Variants in ARHGEF33 observed in about 807,000 individuals in gnomAD.
The protein encoded by ARHGEF33 is Rho guanine nucleotide exchange factor 33, also known as DH and coiled-coil domain-containing protein ENSP00000381780.
In ARHGEF33, 72 loss-of-function variants were observed where a neutral mutation model predicts 101.9. That is an observed-to-expected ratio of 0.71 (90% CI 0.58 to 0.86). The LOEUF is 0.86. Among genes scored for constraint, ARHGEF33 ranks in the 40% least tolerant of loss-of-function variants. The pLI, the probability that ARHGEF33 is intolerant of heterozygous loss-of-function variation, is 0.00. For synonymous variants in ARHGEF33, 499 were observed against 442.5 expected (o/e 1.13, Z -1.60); for missense variants, 1,169 against 1,111.3 (o/e 1.05, Z -0.74).
At chr2:38,921,812 GCC>G (rs1666764167) in intron 4 of ARHGEF33, among the ~76,000 whole-genome samples, 1 of 152,154 alleles carries the variant, frequency 6.6e-6, no homozygotes. Flanking sequence ...CTTGCCTGCT[GCC>G]CCCATCGCCA....
At chr2:38,896,933 T>G (rs1338169254) in intron 2 of ARHGEF33, among the ~76,000 whole-genome samples, 1 of 152,190 alleles carries the variant, frequency 6.6e-6, no homozygotes, top group Non-Finnish European at 1.5e-5. Context: ...TTTCTTTTTT[T>G]GAGACTGAGT....
Position 38,960,358 on chromosome 2 carries a change from GGCA to G in ARHGEF33, c.2062_2064del (p.Ser688del). The stretch of plus-strand genomic sequence containing the variant: ...GCCCAAGAGCGCTACGTCGCCGGCG[GGCA>G]GCAGCAGCGCCTACAAACTGGAGGC... On this transcript the variant is annotated inframe_deletion, in exon 16 of 18. Coordinates refer to ENST00000409978, the MANE Select transcript of ARHGEF33 (RefSeq NM_001145451.5). The G allele has an allele frequency of 6.5e-7, 1 of 1,529,896 alleles. No homozygotes were observed. The highest frequency in any genetic ancestry group is 8.8e-7 in the Non-Finnish European group (1 of 1,142,416). The allele number at this position is 1,529,896 out of a possible 1,614,324, so 94.8% of individuals were successfully genotyped here.
At chr2:38,940,274 T>C (rs1212697258) in intron 9 of ARHGEF33, among the ~76,000 whole-genome samples, 1 of 152,150 alleles carries the variant, frequency 6.6e-6, no homozygotes, top group Non-Finnish European at 1.5e-5. Context: ...CATCAATGTT[T>C]TTAGTTTTTA....
chr2:38,899,357 T>A lies in ARHGEF33; in HGVS notation c.-86+3508T>A, dbSNP rs143038967. Among the ~76,000 whole-genome samples, 5 of 152,236 alleles carry A rather than the reference T, an allele frequency of 3.3e-5. No homozygotes were observed. The East Asian group carries it at 9.7e-4, about 29-fold the overall frequency. ...AAAATTGCTAGTATAAAGAGTAAAA[T>A]TGCTACTATAAGGAGATATGCCATG... On this transcript the variant is annotated intron_variant, in intron 2 of 17. Coordinates refer to ENST00000409978, the MANE Select transcript of ARHGEF33 (RefSeq NM_001145451.5).
chr2:38,973,919 T>C lies in ARHGEF33; in HGVS notation c.*76T>C. 1.1e-6 allele frequency: 1 copy of C among 938,650 alleles called. No individual in the cohort carries two copies. Among genetic ancestry groups the C allele is most frequent in the Non-Finnish European group, 1.4e-6 (1 of 722,452 alleles). 58.1% of individuals were successfully genotyped at this position (938,650 alleles called of 1,614,324 possible). A position where few individuals can be genotyped will look rare whatever the true frequency, so the allele number is the denominator to read the frequency against. The stretch of plus-strand genomic sequence containing the variant: ...GTATATATCTGTGTAGGAATATATA[T>C]ATATATCTATATCTATATATATATA... On this transcript the variant is annotated 3_prime_UTR_variant, in exon 18 of 18. Coordinates refer to ENST00000409978, the MANE Select transcript of ARHGEF33 (RefSeq NM_001145451.5).
chr2:38,960,377 A>T lies in ARHGEF33; in HGVS notation c.2072A>T (p.Lys691Ile). The T allele has an allele frequency of 6.6e-7, 1 of 1,521,014 alleles. No individual in the cohort carries two copies. The highest frequency in any genetic ancestry group is 8.8e-7 in the Non-Finnish European group (1 of 1,139,350). 94.2% of individuals were successfully genotyped at this position (1,521,014 alleles called of 1,614,324 possible). ...CCGGCGGGCAGCAGCAGCGCCTACA[A>T]ACTGGAGGCGGCGGCGCAGGCGCAC... ...TSPAGSSSAY[K>I]LEAAAQAHGK... Residue 691 changes from lysine to isoleucine, a missense_variant, in exon 16 of 18, where the codon AAA becomes ATA. By Grantham distance (102) the Lys-to-Ile change is moderately radical. Transcript: ENST00000409978.
At chr2:38,954,633 C>CT (rs10706405) in intron 13 of ARHGEF33, among the ~76,000 whole-genome samples, 177 bp downstream of exon 13, 163 of 101,108 alleles carry the variant, frequency 1.6e-3, no homozygotes, top group East Asian at 4.7e-3. Flanking sequence ...GAGCTAAAAC[C>CT]TTTTTTTTTT....
At chr2:38,916,130 T>G (rs896139508) in intron 2 of ARHGEF33, among the ~76,000 whole-genome samples, 21 of 152,200 alleles carry the variant, frequency 1.4e-4, no homozygotes, top group African/African-American at 5.1e-4. Flanking sequence ...ATGTGTAAGT[T>G]TTCATTTTAC....
intron 7 of ARHGEF33, among the ~76,000 whole-genome samples, chr2:38,933,446 C>A (rs1018810166): frequency 2.6e-5 from 4 of 151,972 alleles, no homozygotes; most frequent in African/African-American, 9.7e-5. Context: ...TACAATGGCG[C>A]GATCTCGGCT....
chr2:38,943,859 A>G, intron 9 of ARHGEF33, 42 bp from the exon 10 acceptor site: 3 of 1,534,988 alleles, frequency 2.0e-6, no homozygotes, highest in Non-Finnish European at 2.6e-6. Context: ...GATTTTAGGA[A>G]GAAATGGTTA....
intron 11 of ARHGEF33, among the ~76,000 whole-genome samples, chr2:38,951,609 T>TA (rs944989000): frequency 2.7e-5 from 4 of 149,740 alleles, no homozygotes; most frequent in Admixed American, 1.3e-4. Context: ...TTTATTAAAT[T>TA]AAAAAAAAAG....
chr2:38,912,768 A>T (rs989936905), intron 2 of ARHGEF33, among the ~76,000 whole-genome samples: 3 of 152,192 alleles, frequency 2.0e-5, no homozygotes, highest in Non-Finnish European at 4.4e-5. Context: ...AATCATATGG[A>T]CCTGCCCGAA....
Position 38,935,900 on chromosome 2 carries a change from C to T in ARHGEF33, c.565+66C>T, listed in dbSNP as rs562066276. ...TCCATTATTTTCCACTTCTATCTTC[C>T]CTGCTTCCACTTCCTTAGTTTCAAA... is the stretch of plus-strand genomic sequence containing the variant. On this transcript the variant is annotated intron_variant, in intron 8 of 17. Coordinates refer to ENST00000409978, the MANE Select transcript of ARHGEF33 (RefSeq NM_001145451.5). 9.5e-6 allele frequency: 12 copies of T among 1,267,500 alleles called. No homozygotes were observed. In the African/African-American group the frequency reaches 1.6e-4, roughly 17 times the overall value. 78.5% of individuals were successfully genotyped at this position (1,267,500 alleles called of 1,614,324 possible). A position where few individuals can be genotyped will look rare whatever the true frequency, so the allele number is the denominator to read the frequency against.
chr2:38,931,083 G>T (rs1302181028), intron 6 of ARHGEF33, 26 bp from the exon 7 acceptor site: 2 of 1,532,844 alleles, frequency 1.3e-6, no homozygotes, highest in Non-Finnish European at 1.8e-6. Flanking sequence ...AACCAGAATA[G>T]CCTTGTCTTT....
rs748155962 is a variant in ARHGEF33 at position 38,960,585 on chromosome 2, C to T, written c.2280C>T (p.Ser760=). ...AAAAVAARGA[S]RTFFPQQRSQ... is the part of the protein sequence containing the mutation. ...CCGCCGTCGCCGCCCGCGGCGCATC[C>T]AGGACCTTCTTCCCCCAACAGAGGT... Residue 760 remains serine (S), a synonymous_variant, in exon 16 of 18, where the codon TCC becomes TCT. Transcript: ENST00000409978. 7.2e-7 allele frequency: 1 copy of T among 1,383,068 alleles called. No individual in the cohort carries two copies. The highest frequency in any genetic ancestry group is 1.4e-5 in the South Asian group (1 of 73,990). 85.7% of individuals were successfully genotyped at this position (1,383,068 alleles called of 1,614,324 possible).
chr2:38,901,632 G>T (rs1424124203), intron 2 of ARHGEF33, among the ~76,000 whole-genome samples: 1 of 152,196 alleles, frequency 6.6e-6, no homozygotes, highest in Non-Finnish European at 1.5e-5. Flanking sequence ...CTTTGTACTA[G>T]GACCAAAATG....
At chr2:38,934,652 C>T (rs1311031243) in intron 7 of ARHGEF33, among the ~76,000 whole-genome samples, 1 of 81,132 alleles carries the variant, frequency 1.2e-5, no homozygotes, top group East Asian at 4.5e-4. Flanking sequence ...CCCTCTCTCC[C>T]GCTTCTCTCC....
chr2:38,972,277 A>C (rs529906929), intron 17 of ARHGEF33, among the ~76,000 whole-genome samples: 2 of 152,252 alleles, frequency 1.3e-5, no homozygotes, highest in African/African-American at 4.8e-5. Flanking sequence ...GGTAAGGGGG[A>C]TCTGTGAAAG....
chr2:38,902,242 C>T (rs1666261933), intron 2 of ARHGEF33, among the ~76,000 whole-genome samples: 2 of 152,028 alleles, frequency 1.3e-5, no homozygotes, highest in African/African-American at 4.8e-5. Context: ...AAAAATCTCT[C>T]AAGATTCAAA....
Sources: allele counts gnomAD v4.1 joint callset (sites outside exome capture counted in the v4.1 genomes callset), GRCh38; gene constraint gnomAD v4.1.1; transcripts MANE v1.5; gene names NCBI Gene and HGNC (gene_info 2026-07-23, HGNC 2026-07-21).